The following SGCD variants were observed in gnomAD, a reference collection of about 807,000 sequenced individuals.
SGCD encodes sarcoglycan delta.
In SGCD, 18 loss-of-function variants were observed where a neutral mutation model predicts 36.6. The observed-to-expected ratio is 0.49, with a 90% CI of 0.34 to 0.73. SGCD has a LOEUF of 0.73. Ranked by LOEUF, SGCD falls within the 30% of genes least tolerant of loss-of-function variation. SGCD has a pLI of 0.01. For synonymous variants in SGCD, 133 were observed against 130.6 expected (o/e 1.02, Z -0.12); for missense variants, 387 against 346.7 (o/e 1.12, Z -0.92).
At chr5:156,297,903 A>G (rs1194395773) in intron 3 of SGCD, among the ~76,000 whole-genome samples, 1 of 151,990 alleles carries the variant, frequency 6.6e-6, no homozygotes, top group Non-Finnish European at 1.5e-5. Flanking sequence ...TTTTGTACTC[A>G]GTAGCTATCC....
chr5:156,649,999 G>A (rs1763401109), intron 7 of SGCD, among the ~76,000 whole-genome samples: 1 of 152,038 alleles, frequency 6.6e-6, no homozygotes, highest in African/African-American at 2.4e-5. Flanking sequence ...AAGCGGTAAA[G>A]TAAATCTTCT....
intron 1 of SGCD, among the ~76,000 whole-genome samples, chr5:155,914,660 T>C (rs1756701046): frequency 6.6e-6 from 1 of 152,338 alleles, no homozygotes; most frequent in African/African-American, 2.4e-5. Flanking sequence ...CCAAACTTCC[T>C]ACTTTAAAAG....
the SGCD span, among the ~76,000 whole-genome samples, chr5:155,731,722 C>T: frequency 1.3e-5 from 2 of 152,138 alleles, no homozygotes; most frequent in Non-Finnish European, 2.9e-5. Flanking sequence ...GATTCTCTAA[C>T]CTTGTTTTTA....
chr5:156,156,697 G>A (rs1354712488), intron 3 of SGCD, among the ~76,000 whole-genome samples: 1 of 151,410 alleles, frequency 6.6e-6, no homozygotes, highest in Admixed American at 6.6e-5. Flanking sequence ...GATTCCAGGG[G>A]TGGAGACTAG....
chr5:156,667,252 A>G (rs188568805), intron 7 of SGCD, among the ~76,000 whole-genome samples: 1 of 152,316 alleles, frequency 6.6e-6, no homozygotes, highest in Admixed American at 6.5e-5. Flanking sequence ...GACACATACA[A>G]AGAGACAGAG....
At chr5:155,816,108 G>A in the SGCD span, among the ~76,000 whole-genome samples, 2 of 152,132 alleles carry the variant, frequency 1.3e-5, no homozygotes, top group Non-Finnish European at 2.9e-5. Context: ...AATTTGTTCA[G>A]AAGGATAAAA....
chr5:156,149,646 A>G (rs998930099), intron 3 of SGCD, among the ~76,000 whole-genome samples: 3 of 152,022 alleles, frequency 2.0e-5, no homozygotes, highest in African/African-American at 7.2e-5. Flanking sequence ...GTCACTTATC[A>G]TAGTTTCTAT....
chr5:156,132,458 CTTTTTTTTTTTTTTTTT>C (rs573278623), intron 3 of SGCD, among the ~76,000 whole-genome samples: 1 of 51,794 alleles, frequency 1.9e-5, no homozygotes, highest in Non-Finnish European at 3.5e-5. Context: ...CTTACCAAGT[CTTTTTTTTTTTTTTTTT>C]TTTTTTTTTT....
the SGCD span, among the ~76,000 whole-genome samples, chr5:155,823,332 G>C: frequency 6.6e-6 from 1 of 151,680 alleles, no homozygotes; most frequent in African/African-American, 2.4e-5. Flanking sequence ...AAGGTCGGGG[G>C]GTGGTGGATT....
chr5:156,185,300 C>T (rs371757931), intron 3 of SGCD, among the ~76,000 whole-genome samples: 32 of 151,022 alleles, frequency 2.1e-4, no homozygotes, highest in Middle Eastern at 6.8e-3. Context: ...CTGTAAGCTC[C>T]GCCTCCCGGG....
At position 156,696,065 on chromosome 5, in the gene SGCD, GA is replaced by G. The variant is rs1411387147; in HGVS notation, c.575+48532del. ...TTTACAACCTGTTCTGGGTACTTGG[GA>G]AATTCTAGGATGCCCCTCACCTTGA... On this transcript the variant is annotated intron_variant, in intron 7 of 8. Transcript: ENST00000337851. Among the ~76,000 whole-genome samples, 7 of 152,168 alleles carry G rather than the reference GA, an allele frequency of 4.6e-5. No individual in the cohort carries two copies. In the East Asian group the frequency reaches 1.2e-3, roughly 25 times the overall value.
At chr5:155,737,473 A>C in the SGCD span, among the ~76,000 whole-genome samples, 1 of 152,258 alleles carries the variant, frequency 6.6e-6, no homozygotes, top group Non-Finnish European at 1.5e-5. Context: ...GATACTTTCC[A>C]TTCTATTCCC....
intron 1 of SGCD, among the ~76,000 whole-genome samples, chr5:155,892,096 C>T (rs181196103): frequency 2.6e-5 from 4 of 152,114 alleles, no homozygotes; most frequent in South Asian, 4.2e-4. Flanking sequence ...AAATTAGACA[C>T]GTAGTCTGTT....
At chr5:156,019,938 A>G (rs1759063759) in intron 1 of SGCD, among the ~76,000 whole-genome samples, 1 of 152,048 alleles carries the variant, frequency 6.6e-6, no homozygotes, top group South Asian at 2.1e-4. Flanking sequence ...CTACTTATGC[A>G]CCTTCTCTAA....
intron 3 of SGCD, among the ~76,000 whole-genome samples, chr5:156,444,770 C>T (rs886894122): frequency 4.5e-4 from 69 of 152,096 alleles, no homozygotes; most frequent in Admixed American, 1.0e-3. Flanking sequence ...ATGTATCTAT[C>T]TATCCACTGT....
At chr5:156,198,979 G>A (rs1444619546) in intron 3 of SGCD, among the ~76,000 whole-genome samples, 3 of 152,004 alleles carry the variant, frequency 2.0e-5, no homozygotes, top group Non-Finnish European at 2.9e-5. Flanking sequence ...ATAGGTGCAT[G>A]CCAACACACC....
chr5:155,860,775 T>C, the SGCD span, among the ~76,000 whole-genome samples: 1 of 152,250 alleles, frequency 6.6e-6, no homozygotes, highest in Non-Finnish European at 1.5e-5. Context: ...TCAACATTTC[T>C]GCATTAGATA....
rs187117715 is a variant in SGCD, at chr5:156,544,010, G to A, written c.294+35308G>A. On this transcript the variant is annotated intron_variant, in intron 4 of 8. Transcript: ENST00000337851. ...GCTCAGTTGGGTGTATTCCAGTGAA[G>A]AGGCATTCTCTGAATTAAATCTCTT... 7.2e-5 allele frequency among the ~76,000 whole-genome samples: 11 copies of A among 152,288 alleles called. No individual in the cohort carries two copies. The East Asian group carries it at 1.3e-3, about 19-fold the overall frequency.
intron 1 of SGCD, among the ~76,000 whole-genome samples, chr5:156,088,940 A>T (rs1329831548): frequency 6.6e-6 from 1 of 152,056 alleles, no homozygotes; most frequent in Non-Finnish European, 1.5e-5. Flanking sequence ...GATGAATGAG[A>T]GGTCAGCATC....
Sources: allele counts gnomAD v4.1 joint callset (sites outside exome capture counted in the v4.1 genomes callset), GRCh38; gene constraint gnomAD v4.1.1; transcripts MANE v1.5; gene names NCBI Gene and HGNC (gene_info 2026-07-23, HGNC 2026-07-21).